Variants in OTUD4 observed in about 807,000 individuals in gnomAD.
OTUD4 encodes OTU domain-containing protein 4.
OTUD4 carries 24 observed loss-of-function variants against 130.4 expected under a neutral mutation model. That is an observed-to-expected ratio of 0.18 (90% confidence interval 0.13 to 0.26). The LOEUF is 0.26. Among genes scored for constraint, OTUD4 ranks in the 10% least tolerant of loss-of-function variants. OTUD4 has a pLI of 1.00. For synonymous variants in OTUD4, 420 were observed against 472.5 expected, an observed-to-expected ratio of 0.89 and a Z score of 1.44; for missense variants, 1,031 against 1,329.4, an observed-to-expected ratio of 0.78 and a Z score of 3.49.
At position 145,146,282 on chromosome 4, in the gene OTUD4, A is replaced by G; in HGVS notation, c.1407T>C (p.Ala469=). The G allele has an allele frequency of 6.4e-7, 1 of 1,554,262 alleles. No individual in the cohort carries two copies. Residue 469 remains alanine (A), a synonymous_variant, in exon 14 of 21, where the codon GCT becomes GCC. Coordinates refer to ENST00000447906, the MANE Select transcript of OTUD4 (RefSeq NM_001366057.1). ...TCATACATACGGAAAGGGCTGGGAA[A>G]GCCTGTTCATCTCTGTTCTGAATCT... ...LYEIQNRDEQ[A]FPALSSSSVN...
intron 3 of OTUD4, among the ~76,000 whole-genome samples, chr4:145,169,769 G>C (rs1415317838): frequency 1.3e-5 from 2 of 152,188 alleles, no homozygotes; most frequent in African/African-American, 2.4e-5. Context: ...ATTGTGCCCA[G>C]CCCAGGAAAG....
intron 7 of OTUD4, among the ~76,000 whole-genome samples, chr4:145,157,248 T>G (rs1199362820): frequency 6.6e-6 from 1 of 152,146 alleles, no homozygotes; most frequent in Non-Finnish European, 1.5e-5. Flanking sequence ...TAGGCTGATA[T>G]AGTTTAGCCT....
At position 145,141,424 on chromosome 4, in the gene OTUD4, C is replaced by T; in HGVS notation, c.2038G>A (p.Val680Ile). The change falls in exon 19 of 21, where the codon GTA becomes ATA. Residue 680 changes from valine to isoleucine, a missense_variant. Physicochemically the swap from Val to Ile is conservative, Grantham distance 29. Transcript: ENST00000447906. ...GTCTGACACAGTGAATAAGGTGGTA[C>T]AATGGCTCGATCTCCCTTTTCATTA... The part of the protein sequence containing the change: ...PCNEKGDRAI[V>I]PPYSLCQTGE... The T allele has an allele frequency of 6.2e-7, 1 of 1,613,436 alleles. No individual in the cohort carries two copies. The highest frequency in any genetic ancestry group is 1.1e-5 in the South Asian group (1 of 90,976).
intron 20 of OTUD4, 21 bp from the exon 21 acceptor site, chr4:145,138,671 T>G: frequency 6.4e-7 from 1 of 1,569,366 alleles, no homozygotes; most frequent in Non-Finnish European, 8.6e-7. Flanking sequence ...AAAAAACAGT[T>G]AAATAAACAA....
At position 145,179,961 on chromosome 4, in the gene OTUD4, C is replaced by T; in HGVS notation, c.13G>A (p.Val5Ile). MEAA[V>I]GVPDGGDQGG... ...TGGTCCCCGCCGTCGGGGACGCCGA[C>T]GGCAGCCTCCATGTTGCTGGTCCTG... The change falls in exon 1 of 21, where the codon GTC (valine) becomes ATC (isoleucine). Residue 5 changes from valine to isoleucine, a missense_variant. Coordinates refer to ENST00000447906, the MANE Select transcript of OTUD4 (RefSeq NM_001366057.1). 6.6e-7 allele frequency: 1 copy of T among 1,519,432 alleles called. No individual in the cohort carries two copies. The highest frequency in any genetic ancestry group is 8.8e-7 in the Non-Finnish European group (1 of 1,140,826). 94.1% of individuals were successfully genotyped at this position (1,519,432 alleles called of 1,614,324 possible). A position where few individuals can be genotyped will look rare whatever the true frequency, so the allele number is the denominator to read the frequency against.
At chr4:145,155,817 T>G in intron 8 of OTUD4, 119 bp downstream of exon 8, 1 of 982,746 alleles carries the variant, frequency 1.0e-6, no homozygotes, top group Non-Finnish European at 1.5e-6. Flanking sequence ...AATCAATTTC[T>G]GAGTAGATGA....
Position 145,144,307 on chromosome 4 carries a change from T to A in OTUD4, c.1546+4A>T. The A allele has an allele frequency of 6.2e-7, 1 of 1,609,428 alleles. No homozygotes were observed. Among genetic ancestry groups the A allele is most frequent in the Non-Finnish European group, 8.5e-7 (1 of 1,178,626 alleles). On this transcript the variant is annotated splice_donor_region_variant and intron_variant, in intron 15 of 20. Coordinates refer to ENST00000447906, the MANE Select transcript of OTUD4 (RefSeq NM_001366057.1). ...ATCTGCTTTCTAATGATGAGATAAC[T>A]TACCTTTGTCTTTTCGTTCTTCTGT...
At chr4:145,174,577 T>C in intron 2 of OTUD4, 84 bp downstream of exon 2, 1 of 751,002 alleles carries the variant, frequency 1.3e-6, no homozygotes, top group Non-Finnish European at 2.4e-6. Context: ...AGATCCAGCC[T>C]GTGAAATTCT....
At chr4:145,140,762 G>A (rs1378965885) in intron 19 of OTUD4, among the ~76,000 whole-genome samples, 1 of 152,120 alleles carries the variant, frequency 6.6e-6, no homozygotes, top group Non-Finnish European at 1.5e-5. Context: ...TATCTAATTA[G>A]TGAAATTATT....
chr4:145,158,622 T>C (rs1416488426), intron 7 of OTUD4, among the ~76,000 whole-genome samples: 1 of 152,102 alleles, frequency 6.6e-6, no homozygotes, highest in African/African-American at 2.4e-5. Context: ...TGTCACAGAG[T>C]GTAACATACC....
intron 3 of OTUD4, among the ~76,000 whole-genome samples, chr4:145,166,946 G>C (rs1476899567): frequency 4.6e-5 from 7 of 152,092 alleles, no homozygotes; most frequent in African/African-American, 1.7e-4. Context: ...TCAAGATTAA[G>C]TTTTAAAAGT....
chr4:145,139,775 TG>T (rs1194592511), intron 20 of OTUD4, among the ~76,000 whole-genome samples, 175 bp downstream of exon 20: 34 of 152,312 alleles, frequency 2.2e-4, no homozygotes, highest in African/African-American at 8.2e-4. Flanking sequence ...TAAGTAAAAC[TG>T]GAGCCTCTAC....
At chr4:145,179,565 C>T (rs1752589117) in intron 1 of OTUD4, 30 of 1,317,876 alleles carry the variant, frequency 2.3e-5, no homozygotes, top group Non-Finnish European at 2.8e-5. Context: ...CACAAGTTGT[C>T]CTCAACTCAT....
chr4:145,169,627 G>C (rs368049866), intron 3 of OTUD4, among the ~76,000 whole-genome samples: 1 of 152,144 alleles, frequency 6.6e-6, no homozygotes, highest in South Asian at 2.1e-4. Context: ...TGGGACTACA[G>C]GTGCACACCA....
At position 145,142,242 on chromosome 4, in the gene OTUD4, G is replaced by C. The variant is rs1281861071; in HGVS notation, c.1776C>G (p.Ala592=). ...GTTCACTTGGCCAGGCTGGCACAGT[G>C]GCTGGTAAAGAAGGCACCGCAGGAG... ...HLTPAVPSLP[A]TVPAWPSEPT... is the part of the protein sequence containing the mutation. The change falls in exon 18 of 21, where the codon GCC becomes GCG. Residue 592 remains alanine, a synonymous_variant. Transcript: ENST00000447906. 6.2e-7 allele frequency: 1 copy of C among 1,613,970 alleles called. No individual in the cohort carries two copies. Among genetic ancestry groups the C allele is most frequent in the South Asian group, 1.1e-5 (1 of 91,076 alleles).
chr4:145,147,805 A>T (rs1279353735), intron 13 of OTUD4, among the ~76,000 whole-genome samples: 1 of 152,234 alleles, frequency 6.6e-6, no homozygotes, highest in African/African-American at 2.4e-5. Flanking sequence ...GAAGAAATTC[A>T]AAAGTGATGT....
At chr4:145,152,704 A>G in intron 10 of OTUD4, 69 bp from the exon 11 acceptor site, 4 of 851,210 alleles carry the variant, frequency 4.7e-6, no homozygotes, top group South Asian at 4.7e-5. Flanking sequence ...ATTACTTATC[A>G]GTTTTTTGCG....
intron 18 of OTUD4, among the ~76,000 whole-genome samples, chr4:145,141,898 T>C (rs144584398): frequency 2.8e-4 from 43 of 152,146 alleles, no homozygotes; most frequent in African/African-American, 9.6e-4. Flanking sequence ...TACGGGGCCA[T>C]AAAGAGCTGG....
At position 145,174,576 on chromosome 4, in the gene OTUD4, C is replaced by A. The variant is rs558000140; in HGVS notation, c.243+85G>T. The A allele has an allele frequency of 4.9e-4, 367 of 750,264 alleles. 6 individuals carry two copies. In the South Asian group the frequency reaches 5.2e-3, roughly 11 times the overall value. 46.5% of individuals were successfully genotyped at this position (750,264 alleles called of 1,614,324 possible). ...TTCATAACCCGCATTAAGATCCAGCCTGTGAAATTCTACTAGAACACTTCT... is the reference window on the plus strand; with the variant it reads ...TTCATAACCCGCATTAAGATCCAGCATGTGAAATTCTACTAGAACACTTCT... On this transcript the variant is annotated intron_variant, in intron 2 of 20. Transcript: ENST00000447906.
Sources: gnomAD v4.1 joint callset for allele counts (sites outside exome capture counted in the v4.1 genomes callset) on GRCh38, gnomAD v4.1.1 for gene constraint, MANE v1.5 for transcripts, NCBI Gene and HGNC (gene_info 2026-07-23, HGNC 2026-07-21) for gene names.